SEPTIN11: variants seen among roughly 807,000 people sequenced by gnomAD.
SEPTIN11 encodes septin-11.
A neutral mutation model predicts 51.4 loss-of-function variants in SEPTIN11; 25 were observed. The observed-to-expected ratio is 0.49, with a 90% confidence interval of 0.35 to 0.68. The LOEUF is 0.68. Among genes scored for constraint, SEPTIN11 ranks in the 30% least tolerant of loss-of-function variants. The pLI, the probability that SEPTIN11 is intolerant of heterozygous loss-of-function variation, is 0.00. For missense variants in SEPTIN11, 381 were observed against 520.8 expected (o/e 0.73, Z 2.61); for synonymous variants, 174 against 184.1 (o/e 0.95, Z 0.44).
chr4:77,005,795 A>G lies in SEPTIN11; in HGVS notation c.337A>G (p.Ser113Gly). Residue 113 changes from serine (S) to glycine (G), a missense_variant and splice_region_variant, in exon 3 of 10, where the codon AGC becomes GGC. Ser to Gly is a moderately conservative substitution (Grantham distance 56). Coordinates refer to ENST00000264893, the MANE Select transcript of SEPTIN11 (RefSeq NM_018243.4). The stretch of plus-strand genomic sequence containing the variant: ...TGGAGACCAGATAAATAAAGATGAC[A>G]GGTACATCTTGGGATTTTGGGGGGA... ...GFGDQINKDD[S>G]YKPIVEYIDA... 6.2e-7 allele frequency: 1 copy of G among 1,612,486 alleles called. No individual in the cohort carries two copies.
intron 1 of SEPTIN11, chr4:76,995,670 G>A (rs1723663571): frequency 1.8e-5 from 17 of 940,150 alleles, no homozygotes; most frequent in Non-Finnish European, 2.5e-5. Flanking sequence ...CAAAGTTGTG[G>A]GGGCAGCCAG....
At chr4:76,975,695 GA>G (rs35731813) in intron 1 of SEPTIN11, among the ~76,000 whole-genome samples, 3,656 of 152,238 alleles carry the variant, frequency 0.024, 80 homozygotes, top group Admixed American at 0.038. Context: ...TATGTGGTTG[GA>G]AAAGGAGGAA....
At chr4:76,958,926 C>T in intron 1 of SEPTIN11, 1 of 1,378,046 alleles carries the variant, frequency 7.3e-7, no homozygotes, top group Non-Finnish European at 1.0e-6. Flanking sequence ...ACCTTTTGTC[C>T]CTTCTTAAAA....
intron 1 of SEPTIN11, among the ~76,000 whole-genome samples, chr4:76,957,905 T>G (rs1212034225): frequency 6.6e-6 from 1 of 152,042 alleles, no homozygotes; most frequent in African/African-American, 2.4e-5. Flanking sequence ...TTACCTTTTT[T>G]AAAAAAAGTG....
intron 1 of SEPTIN11, chr4:76,974,837 G>A (rs748304839): frequency 1.3e-5 from 6 of 456,500 alleles, no homozygotes; most frequent in East Asian, 6.9e-5. Flanking sequence ...AAATGTGAGC[G>A]CTTGGGTGGG....
intron 5 of SEPTIN11, among the ~76,000 whole-genome samples, chr4:77,016,653 T>C (rs1444220067): frequency 1.7e-4 from 21 of 123,900 alleles, no homozygotes; most frequent in East Asian, 9.0e-4. Flanking sequence ...TATATATATA[T>C]ATACACATAT....
At chr4:77,027,387 C>T (rs1451108372) in intron 7 of SEPTIN11, among the ~76,000 whole-genome samples, 6 of 152,168 alleles carry the variant, frequency 3.9e-5, no homozygotes, top group East Asian at 3.8e-4. Context: ...CCTCCTGCCT[C>T]GGCCTCCCAA....
In SEPTIN11 at chr4:77,011,904, A is replaced by G; in HGVS notation, c.508A>G (p.Lys170Glu). 6.2e-7 allele frequency: 1 copy of G among 1,613,880 alleles called. No individual in the cohort carries two copies. Among genetic ancestry groups the G allele is most frequent in the Non-Finnish European group, 8.5e-7 (1 of 1,179,822 alleles). ...SLKSLDLVTM[K>E]KLDSKVNIIP... ...AAAGTCCCTGGATCTGGTCACCATG[A>G]AAAAGCTGGACAGTAAGGTACTTGC... The change falls in exon 4 of 10, where the codon AAA (lysine) becomes GAA (glutamate). Residue 170 changes from lysine (K) to glutamate (E), a missense_variant. Coordinates refer to ENST00000264893, the MANE Select transcript of SEPTIN11 (RefSeq NM_018243.4).
chr4:76,969,636 A>G (rs929240204), intron 1 of SEPTIN11, among the ~76,000 whole-genome samples: 1 of 152,218 alleles, frequency 6.6e-6, no homozygotes, highest in Non-Finnish European at 1.5e-5. Flanking sequence ...TATGCAATCC[A>G]GTCGATAGGA....
chr4:77,018,257 T>G (rs537412274), intron 5 of SEPTIN11, among the ~76,000 whole-genome samples: 13 of 152,144 alleles, frequency 8.5e-5, no homozygotes, highest in African/African-American at 1.4e-4. Flanking sequence ...GAGACCATCC[T>G]GGCTAACACG....
rs769320568 is a variant in SEPTIN11, at chr4:76,956,993, T to TGTGTGAGA, written c.27+7064_27+7065insTGTGAGAG. 3.2e-3 allele frequency among the ~76,000 whole-genome samples: 319 copies of TGTGTGAGA among 98,572 alleles called. 1 individual carries two copies. Among genetic ancestry groups the TGTGTGAGA allele is most frequent in the African/African-American group, 9.8e-3 (298 of 30,562 alleles). 64.7% of individuals were successfully genotyped at this position (98,572 alleles called of 152,430 possible). Reference sequence around the variant, plus strand: ...GTGTGTGTGTGTGTGTGTGTGTGTGTGAGAGAGAGAGAGACAGAGACAGAG... The same window carrying TGTGTGAGA: ...GTGTGTGTGTGTGTGTGTGTGTGTGTGTGTGAGAGAGAGAGAGAGAGACAGAGACAGAG... On this transcript the variant is annotated intron_variant, in intron 1 of 9. Transcript: ENST00000264893.
chr4:76,979,858 A>G (rs1033478142), intron 1 of SEPTIN11, among the ~76,000 whole-genome samples: 5 of 152,056 alleles, frequency 3.3e-5, no homozygotes, highest in Admixed American at 6.6e-5. Context: ...CAAAAAAAAA[A>G]AAAAGTGGGG....
Position 77,011,863 on chromosome 4 carries a change from C to A in SEPTIN11, c.467C>A (p.Pro156His). The A allele has an allele frequency of 6.2e-7, 1 of 1,614,084 alleles. No individual in the cohort carries two copies. The highest frequency in any genetic ancestry group is 8.5e-7 in the Non-Finnish European group (1 of 1,179,972). ...CATGCCTGCCTCTACTTTATTGCCC[C>A]TACTGGACATTCACTAAAGTCCCTG... ...RIHACLYFIAPTGHSLKSLDL... is the reference protein window; with the variant it reads ...RIHACLYFIAHTGHSLKSLDL... Residue 156 changes from proline to histidine, a missense_variant, in exon 4 of 10, where the codon CCT (proline) becomes CAT (histidine). Around this residue, in one of 2 missense-constraint regions of SEPTIN11, gnomAD observed 184 missense variants for 207.7 expected, o/e 0.89. Transcript: ENST00000264893.
chr4:77,025,139 A>C (rs1356032115), intron 7 of SEPTIN11, among the ~76,000 whole-genome samples: 1 of 152,256 alleles, frequency 6.6e-6, no homozygotes, highest in Non-Finnish European at 1.5e-5. Flanking sequence ...CTCAATTTCA[A>C]ATCAATCTAA....
chr4:77,033,813 A>T (rs955145221), intron 9 of SEPTIN11, among the ~76,000 whole-genome samples: 9 of 151,936 alleles, frequency 5.9e-5, no homozygotes, highest in African/African-American at 1.9e-4. Context: ...CTCATCTTTT[A>T]AAAAAAAATC....
At chr4:77,027,560 TGTG>T (rs1726265041) in intron 7 of SEPTIN11, among the ~76,000 whole-genome samples, 1 of 152,176 alleles carries the variant, frequency 6.6e-6, no homozygotes. Context: ...GTAAATGATA[TGTG>T]GTGGTCTGCA....
intron 4 of SEPTIN11, among the ~76,000 whole-genome samples, chr4:77,013,901 C>T (rs757165084): frequency 3.9e-5 from 6 of 152,182 alleles, no homozygotes; most frequent in South Asian, 2.1e-4. Flanking sequence ...ATGTCAGTAA[C>T]GTCTTATTGA....
chr4:77,034,552 T>C lies in SEPTIN11; in HGVS notation c.*40T>C. On this transcript the variant is annotated 3_prime_UTR_variant, in exon 10 of 10. Transcript: ENST00000264893. ...AGGATGTTCCCGCATTCACCTGCTTTTGCAGTAATATCGTATCTCTGCCAT... is the reference window on the plus strand; with the variant it reads ...AGGATGTTCCCGCATTCACCTGCTTCTGCAGTAATATCGTATCTCTGCCAT... 1 of 1,539,072 alleles carries C rather than the reference T, an allele frequency of 6.5e-7. No individual in the cohort carries two copies. Among genetic ancestry groups the C allele is most frequent in the Non-Finnish European group, 8.7e-7 (1 of 1,148,024 alleles).
At chr4:76,983,967 A>G (rs1044287387) in intron 1 of SEPTIN11, among the ~76,000 whole-genome samples, 12 of 152,300 alleles carry the variant, frequency 7.9e-5, no homozygotes, top group Middle Eastern at 6.8e-3. Context: ...AGATCGCGCT[A>G]TTGCACTCCA....
Sources: gnomAD v4.1 joint callset for allele counts (sites outside exome capture counted in the v4.1 genomes callset) on GRCh38, gnomAD v4.1.1 for gene constraint, gnomAD v4.1.1 regional missense constraint, MANE v1.5 for transcripts, NCBI Gene and HGNC (gene_info 2026-07-23, HGNC 2026-07-21) for gene names.